The following DST variants were observed in gnomAD, a reference collection of about 807,000 sequenced individuals.
DST encodes the protein dystonin.
Under a neutral mutation model 875.2 loss-of-function variants are expected in DST, and 253 were observed. The ratio of observed to expected loss-of-function variants is 0.29; its 90% CI spans 0.26 to 0.32. The LOEUF (loss-of-function observed/expected upper bound fraction) is 0.32. DST is among the 10% of genes least tolerant of loss of function. The probability of loss-of-function intolerance (pLI) is 1.00; values close to 1 mark genes in which losing one functional copy is unlikely to be tolerated. For missense variants in DST, 8,287 were observed against 9,111.6 expected, an observed-to-expected ratio of 0.91 and a Z score of 3.68; for synonymous variants, 3,124 against 3,197.1, an observed-to-expected ratio of 0.98 and a Z score of 0.77.
At chr6:56,685,321 C>G (rs1172811462) in intron 9 of DST, among the ~76,000 whole-genome samples, 1 of 152,180 alleles carries the variant, frequency 6.6e-6, no homozygotes, top group Non-Finnish European at 1.5e-5. Flanking sequence ...CACTTCTGTT[C>G]ATGTCCATTG....
intron 4 of DST, among the ~76,000 whole-genome samples, chr6:56,845,610 A>C (rs2099806392): frequency 6.6e-6 from 1 of 152,246 alleles, no homozygotes; most frequent in Non-Finnish European, 1.5e-5. Flanking sequence ...ATCATATGGG[A>C]CACCTTCTTG....
chr6:56,710,507 A>AT (rs1451847028), intron 5 of DST, among the ~76,000 whole-genome samples: 3 of 152,310 alleles, frequency 2.0e-5, no homozygotes, highest in Admixed American at 1.3e-4. Flanking sequence ...TTTCAATGCA[A>AT]TTTTTTTACA....
intron 3 of DST, chr6:56,862,962 G>A (rs1772047077): frequency 6.6e-6 from 1 of 152,192 alleles, no homozygotes; most frequent in East Asian, 1.9e-4. Flanking sequence ...TCAAGATGAT[G>A]AGGTTCTTTT....
At chr6:56,469,075 C>A in intron 97 of DST, 76 bp from the exon 98 acceptor site, 2 of 1,101,350 alleles carry the variant, frequency 1.8e-6, no homozygotes, top group Non-Finnish European at 2.7e-6. Context: ...AGAACATACA[C>A]ACATACTCAC....
intron 36 of DST, chr6:56,615,041 C>CT: frequency 1.0e-6 from 1 of 1,001,966 alleles, no homozygotes; most frequent in Non-Finnish European, 1.2e-6. Context: ...AAAGGCAAAA[C>CT]TTTTTCATTT....
At position 56,709,983 on chromosome 6, in the gene DST, T is replaced by C. The variant is rs78300290; in HGVS notation, c.688-5614A>G. Among the ~76,000 whole-genome samples, 2,238 of 152,298 alleles carry C rather than the reference T, an allele frequency of 0.015. 127 individuals are homozygous for C. In the East Asian group the frequency reaches 0.2, roughly 14 times the overall value. ...GAGGTGGAAGATGAGGCTGGAACGA[T>C]GCGCCGGTGGACATAGAGGCTTTAT... On this transcript the variant is annotated intron_variant, in intron 5 of 103. Coordinates refer to ENST00000680361, the MANE Select transcript of DST (RefSeq NM_001374736.1).
Position 56,603,229 on chromosome 6 carries a change from G to C in DST, c.11133C>G (p.Ile3711Met), listed in dbSNP as rs1347618885. The C allele has an allele frequency of 6.2e-7, 1 of 1,603,704 alleles. No individual in the cohort carries two copies. The change falls in exon 42 of 104, where the codon ATC becomes ATG. Residue 3711 changes from isoleucine to methionine, a missense_variant. This residue lies in a region of DST where 3,138 missense variants were observed against 3,116.6 expected (regional missense o/e 1.01). Transcript: ENST00000680361. Reference sequence around the variant, plus strand: ...CCATTTCAGAGTCGATCGCAAGCATGATCTGTTTCGTTCTTTCTGAAGACA... The same window carrying C: ...CCATTTCAGAGTCGATCGCAAGCATCATCTGTTTCGTTCTTTCTGAAGACA... ...SNVSSERTKQ[I>M]MLAIDSEMSK...
At chr6:56,750,837 G>A (rs1479222807) in intron 4 of DST, among the ~76,000 whole-genome samples, 1 of 152,102 alleles carries the variant, frequency 6.6e-6, no homozygotes, top group Non-Finnish European at 1.5e-5. Context: ...CCAGAATTTG[G>A]CAATACTGAG....
At chr6:56,882,884 C>G (rs188750531) in intron 3 of DST, among the ~76,000 whole-genome samples, 32 of 152,242 alleles carry the variant, frequency 2.1e-4, no homozygotes, top group African/African-American at 7.7e-4. Flanking sequence ...TTTTCCCCCC[C>G]AAGACAGAGT....
intron 10 of DST, among the ~76,000 whole-genome samples, chr6:56,664,019 T>G (rs1231037037): frequency 1.3e-5 from 2 of 151,994 alleles, no homozygotes. Flanking sequence ...ATGAATGAGA[T>G]AAATTAAAAA....
intron 90 of DST, among the ~76,000 whole-genome samples, chr6:56,477,742 A>G (rs1013414484): frequency 4.6e-5 from 7 of 152,222 alleles, no homozygotes; most frequent in African/African-American, 1.7e-4. Context: ...GATACCGTGC[A>G]TAATAAAATC....
intron 10 of DST, among the ~76,000 whole-genome samples, chr6:56,667,424 C>G (rs1352132912): frequency 6.6e-6 from 1 of 152,106 alleles, no homozygotes; most frequent in Non-Finnish European, 1.5e-5. Context: ...AAGAAAGGCT[C>G]AATGACTTCA....
At chr6:56,844,800 A>T (rs1455057579) in intron 4 of DST, among the ~76,000 whole-genome samples, 1 of 147,578 alleles carries the variant, frequency 6.8e-6, no homozygotes, top group Non-Finnish European at 1.5e-5. Flanking sequence ...TGAACCCGGG[A>T]GGTGGAGGTT....
chr6:56,585,985 T>A (rs2098139282), intron 49 of DST, among the ~76,000 whole-genome samples: 1 of 152,214 alleles, frequency 6.6e-6, no homozygotes, highest in Non-Finnish European at 1.5e-5. Flanking sequence ...TCTGTTCTTT[T>A]ACATTTGCTG....
intron 69 of DST, among the ~76,000 whole-genome samples, chr6:56,519,661 G>T (rs938836910): frequency 1.3e-5 from 2 of 152,112 alleles, no homozygotes; most frequent in Non-Finnish European, 2.9e-5. Context: ...ATAGGGAGCT[G>T]GAACTCCCAC....
At chr6:56,742,852 C>T (rs184364889) in intron 4 of DST, among the ~76,000 whole-genome samples, 25 of 152,296 alleles carry the variant, frequency 1.6e-4, no homozygotes, top group African/African-American at 5.3e-4. Context: ...TGGGAGAAAA[C>T]CACTTTTGGG....
At chr6:56,705,957 ATACTT>A (rs1480118754) in intron 5 of DST, among the ~76,000 whole-genome samples, 2 of 152,252 alleles carry the variant, frequency 1.3e-5, no homozygotes, top group African/African-American at 4.8e-5. Flanking sequence ...AAGTTTAAAA[ATACTT>A]TATTTAGCCC....
chr6:56,468,854 G>T, intron 98 of DST, 128 bp downstream of exon 98: 1 of 687,582 alleles, frequency 1.5e-6, no homozygotes, highest in Non-Finnish European at 2.4e-6. Context: ...GAAACACCAC[G>T]CCAACCAACA....
intron 3 of DST, among the ~76,000 whole-genome samples, chr6:56,888,026 C>T (rs1368401382): frequency 6.6e-6 from 1 of 151,280 alleles, no homozygotes; most frequent in Non-Finnish European, 1.5e-5. Context: ...TCTCGGCTCA[C>T]TGCAACCTCT....
Sources: allele counts gnomAD v4.1 joint callset (sites outside exome capture counted in the v4.1 genomes callset), GRCh38; gene constraint gnomAD v4.1.1; regional missense constraint gnomAD v4.1.1; transcripts MANE v1.5; gene names NCBI Gene and HGNC (gene_info 2026-07-23, HGNC 2026-07-21).